The following SLC4A10 variants were observed in gnomAD, a reference collection of about 807,000 sequenced individuals.
The protein encoded by SLC4A10 is solute carrier family 4 member 10.
In SLC4A10, 42 loss-of-function variants were observed where a neutral mutation model predicts 137.7. The ratio of observed to expected loss-of-function variants is 0.30; its 90% CI spans 0.24 to 0.39. SLC4A10 has a LOEUF of 0.39. SLC4A10 is among the 10% of genes least tolerant of loss of function. SLC4A10 has a pLI of 1.00. For missense variants in SLC4A10, 925 were observed against 1,355.0 expected, an observed-to-expected ratio of 0.68 and a Z score of 4.98; for synonymous variants, 474 against 464.1, an observed-to-expected ratio of 1.02 and a Z score of -0.27.
At chr2:161,705,505 C>T (rs186750227) in intron 1 of SLC4A10, among the ~76,000 whole-genome samples, 1 of 151,672 alleles carries the variant, frequency 6.6e-6, no homozygotes, top group East Asian at 1.9e-4. Context: ...AATAGAGTTA[C>T]CCTCAATGTA....
rs143558731 is a variant in SLC4A10 at position 161,788,859 on chromosome 2, G to A, written c.131-15590G>A. Among the ~76,000 whole-genome samples the A allele has an allele frequency of 1.3e-3, 199 of 152,262 alleles. 1 individual carries two copies. Among genetic ancestry groups the A allele is most frequent in the African/African-American group, 4.8e-3 (198 of 41,554 alleles). On this transcript the variant is annotated intron_variant, in intron 2 of 26. Coordinates refer to ENST00000446997, the MANE Select transcript of SLC4A10 (RefSeq NM_001178015.2). ...AGGTGTAGCTGCCACGAAGAGTGCT[G>A]GAAAGGCTGTCTCCAAGTGCAATCA...
At chr2:161,703,275 G>A (rs1259856475) in intron 1 of SLC4A10, among the ~76,000 whole-genome samples, 3 of 151,636 alleles carry the variant, frequency 2.0e-5, no homozygotes, top group Non-Finnish European at 4.4e-5. Flanking sequence ...AAATGGGAAA[G>A]TCAAAGAATA....
chr2:161,882,516 C>A, intron 10 of SLC4A10, 72 bp downstream of exon 10: 1 of 887,042 alleles, frequency 1.1e-6, no homozygotes, highest in Non-Finnish European at 1.7e-6. Flanking sequence ...GTCCTCTTTT[C>A]ATGACAGTTT....
intron 3 of SLC4A10, among the ~76,000 whole-genome samples, chr2:161,819,374 T>C (rs1210081809): frequency 6.6e-6 from 1 of 152,182 alleles, no homozygotes; most frequent in Admixed American, 6.5e-5. Flanking sequence ...AAGTTCAACC[T>C]ACTTTGGCTA....
intron 15 of SLC4A10, among the ~76,000 whole-genome samples, chr2:161,932,892 GCC>G (rs1690673121): frequency 6.6e-6 from 1 of 151,912 alleles, no homozygotes; most frequent in Admixed American, 6.6e-5. Context: ...TACTCCTTGA[GCC>G]CCTGATAACC....
intron 3 of SLC4A10, among the ~76,000 whole-genome samples, chr2:161,824,196 T>G (rs1325765555): frequency 6.6e-6 from 1 of 152,176 alleles, no homozygotes; most frequent in Non-Finnish European, 1.5e-5. Flanking sequence ...AAACTTATAA[T>G]CAGCTTCTAG....
At chr2:161,665,294 G>A (rs555759128) in intron 1 of SLC4A10, among the ~76,000 whole-genome samples, 10 of 151,930 alleles carry the variant, frequency 6.6e-5, no homozygotes, top group African/African-American at 2.2e-4. Context: ...GCTGTGTAGT[G>A]TAATGATGAC....
rs1197634457 is a variant in SLC4A10 at position 161,887,246 on chromosome 2, A to G, written c.1194+4802A>G. 2.0e-5 allele frequency among the ~76,000 whole-genome samples: 3 copies of G among 152,166 alleles called. No individual in the cohort carries two copies. The South Asian group carries it at 6.2e-4, about 31-fold the overall frequency. On this transcript the variant is annotated intron_variant, in intron 10 of 26. Transcript: ENST00000446997. ...TTGCTATTGTGAATAGTGCTGAAATAAATATACGCAGTAGTACGTTTATAT... is the reference window on the plus strand; with the variant it reads ...TTGCTATTGTGAATAGTGCTGAAATGAATATACGCAGTAGTACGTTTATAT...
intron 1 of SLC4A10, among the ~76,000 whole-genome samples, chr2:161,751,959 G>A (rs2049029825): frequency 1.3e-5 from 2 of 151,810 alleles, no homozygotes; most frequent in Admixed American, 1.3e-4. Context: ...TTAATAAATT[G>A]TATGAATTGA....
chr2:161,843,452 C>G (rs1484406350), intron 4 of SLC4A10, among the ~76,000 whole-genome samples: 3 of 152,082 alleles, frequency 2.0e-5, no homozygotes, highest in Non-Finnish European at 4.4e-5. Context: ...CTTCTAGAAT[C>G]TAATGCATGC....
chr2:161,713,060 G>A (rs2044467158), intron 1 of SLC4A10, among the ~76,000 whole-genome samples: 1 of 151,796 alleles, frequency 6.6e-6, no homozygotes, highest in Non-Finnish European at 1.5e-5. Flanking sequence ...GGCCAACATA[G>A]AGAGAAAAGG....
At chr2:161,835,039 C>CT (rs5835884) in intron 3 of SLC4A10, among the ~76,000 whole-genome samples, 7,764 of 135,134 alleles carry the variant, frequency 0.057, 285 homozygotes, top group Non-Finnish European at 0.081. Flanking sequence ...GACTATATGT[C>CT]TTTTTTTTTT....
chr2:161,791,467 A>C (rs1276713050), intron 2 of SLC4A10, among the ~76,000 whole-genome samples: 1 of 152,054 alleles, frequency 6.6e-6, no homozygotes, highest in Non-Finnish European at 1.5e-5. Context: ...GGCCTGTTGG[A>C]GGGTAGGAGG....
At chr2:161,719,809 A>G (rs1276095495) in intron 1 of SLC4A10, among the ~76,000 whole-genome samples, 1 of 151,882 alleles carries the variant, frequency 6.6e-6, no homozygotes, top group East Asian at 1.9e-4. Context: ...TTGTCAGATG[A>G]GTAGGTTGCG....
chr2:161,927,956 C>T (rs980986387), intron 15 of SLC4A10, among the ~76,000 whole-genome samples: 17 of 151,212 alleles, frequency 1.1e-4, no homozygotes, highest in Non-Finnish European at 2.4e-4. Context: ...TTGTGGAAGT[C>T]AGTGTGGCGA....
intron 1 of SLC4A10, among the ~76,000 whole-genome samples, chr2:161,712,970 T>TC (rs1367924709): frequency 6.6e-6 from 1 of 151,774 alleles, no homozygotes; most frequent in Non-Finnish European, 1.5e-5. Context: ...AGGTCACAGG[T>TC]AATGGGTTGT....
chr2:161,740,415 C>T (rs529157042), intron 1 of SLC4A10, among the ~76,000 whole-genome samples: 69 of 152,306 alleles, frequency 4.5e-4, no homozygotes, highest in African/African-American at 1.6e-3. Flanking sequence ...CTTCTGGGCA[C>T]TGTCATTCCC....
chr2:161,902,911 A>G (rs980343464), intron 12 of SLC4A10, among the ~76,000 whole-genome samples: 6 of 152,154 alleles, frequency 3.9e-5, no homozygotes, highest in Non-Finnish European at 7.4e-5. Flanking sequence ...TTTATGATCC[A>G]AGTATACTCA....
chr2:161,649,874 T>C (rs921731363), intron 1 of SLC4A10, among the ~76,000 whole-genome samples: 1 of 152,152 alleles, frequency 6.6e-6, no homozygotes, highest in African/African-American at 2.4e-5. Flanking sequence ...AAAAACCTGA[T>C]CTTTTTATTT....
Sources: gnomAD v4.1 joint callset for allele counts (sites outside exome capture counted in the v4.1 genomes callset) on GRCh38, gnomAD v4.1.1 for gene constraint, MANE v1.5 for transcripts, NCBI Gene and HGNC (gene_info 2026-07-23, HGNC 2026-07-21) for gene names.